Variants in DRC8 observed in about 807,000 individuals in gnomAD.
DRC8 encodes dynein regulatory complex subunit 8, also known as dynein regulatory complex protein 8.
chr1:245,019,243 G>A, the DRC8 span, among the ~76,000 whole-genome samples: 12 of 152,074 alleles, frequency 7.9e-5, no homozygotes, highest in Admixed American at 2.6e-4. Context: ...ATTGTTTTTA[G>A]CATTAAAATA....
At chr1:245,020,921 C>T in the DRC8 span, among the ~76,000 whole-genome samples, 4 of 152,060 alleles carry the variant, frequency 2.6e-5, no homozygotes, top group East Asian at 1.9e-4. Context: ...TGAGCCACCA[C>T]ACCCAGCCTT....
the DRC8 span, chr1:244,970,746 C>T: frequency 1.5e-5 from 7 of 454,972 alleles, no homozygotes; most frequent in Middle Eastern, 5.6e-4. Flanking sequence ...TCCTCCCGCC[C>T]TCTTCACCCT....
the DRC8 span, chr1:245,023,029 A>G: frequency 6.6e-6 from 1 of 152,220 alleles, no homozygotes; most frequent in Non-Finnish European, 1.5e-5. Flanking sequence ...TTGCTTGGGC[A>G]GCACATATAC....
At chr1:245,011,226 A>G in the DRC8 span, among the ~76,000 whole-genome samples, 3 of 152,192 alleles carry the variant, frequency 2.0e-5, no homozygotes, top group Non-Finnish European at 4.4e-5. Flanking sequence ...GAAAGCAAAA[A>G]TATCACTATG....
At chr1:245,067,570 C>T in the DRC8 span, among the ~76,000 whole-genome samples, 45 of 152,152 alleles carry the variant, frequency 3.0e-4, no homozygotes, top group Non-Finnish European at 5.3e-4. Flanking sequence ...CCACAAGCCC[C>T]GGAGGTCCCA....
chr1:245,096,314 C>T, the DRC8 span, among the ~76,000 whole-genome samples: 20 of 152,346 alleles, frequency 1.3e-4, no homozygotes, highest in Non-Finnish European at 1.3e-4. Context: ...GGAAATAAGC[C>T]TGCAAAAGAA....
the DRC8 span, among the ~76,000 whole-genome samples, chr1:245,013,223 C>T: frequency 1.3e-5 from 2 of 152,054 alleles, no homozygotes; most frequent in Admixed American, 6.6e-5. Flanking sequence ...TGCCAGACCT[C>T]GAGAAAAAGG....
the DRC8 span, among the ~76,000 whole-genome samples, chr1:245,092,083 G>T: frequency 6.6e-6 from 1 of 152,208 alleles, no homozygotes; most frequent in Non-Finnish European, 1.5e-5. Flanking sequence ...GCGATCTTGT[G>T]CTCTGATCCC....
chr1:245,072,696 G>A, the DRC8 span, among the ~76,000 whole-genome samples: 10 of 152,292 alleles, frequency 6.6e-5, no homozygotes, highest in South Asian at 1.5e-3. Flanking sequence ...TGTAATCCTC[G>A]GTGTCAGAGA....
At chr1:245,020,072 A>T in the DRC8 span, among the ~76,000 whole-genome samples, 1 of 151,982 alleles carries the variant, frequency 6.6e-6, no homozygotes, top group Non-Finnish European at 1.5e-5. Flanking sequence ...GCCCCCAGGC[A>T]CTGGCTGTTC....
At chr1:245,090,444 G>C in the DRC8 span, among the ~76,000 whole-genome samples, 1 of 150,154 alleles carries the variant, frequency 6.7e-6, no homozygotes, top group African/African-American at 2.5e-5. Flanking sequence ...AGTGGCTGAC[G>C]TTTGTTGACT....
chr1:245,006,507 G>A, the DRC8 span, among the ~76,000 whole-genome samples: 3 of 152,028 alleles, frequency 2.0e-5, no homozygotes, highest in Non-Finnish European at 4.4e-5. Flanking sequence ...GTTTTATCAT[G>A]TTGGCCAGGC....
the DRC8 span, among the ~76,000 whole-genome samples, chr1:245,093,313 G>C: frequency 6.6e-6 from 1 of 152,068 alleles, no homozygotes; most frequent in Non-Finnish European, 1.5e-5. Context: ...TGTGCTATCA[G>C]TCATGGTACT....
the DRC8 span, among the ~76,000 whole-genome samples, chr1:245,017,013 G>A: frequency 2.6e-5 from 4 of 152,186 alleles, no homozygotes; most frequent in African/African-American, 9.7e-5. Context: ...GTGTATTTAA[G>A]ATCAGTGCAC....
At chr1:245,087,762 T>C in the DRC8 span, 6 of 983,476 alleles carry the variant, frequency 6.1e-6, no homozygotes, top group South Asian at 4.7e-5. Flanking sequence ...TAATGAAGGC[T>C]TCTTTTTTAA....
chr1:244,980,382 A>C, the DRC8 span, among the ~76,000 whole-genome samples: 7 of 152,282 alleles, frequency 4.6e-5, no homozygotes, highest in African/African-American at 1.7e-4. Flanking sequence ...AAAAATAAAA[A>C]ATAAAGTTTT....
At chr1:245,121,894 T>G in the DRC8 span, 1 of 418,258 alleles carries the variant, frequency 2.4e-6, no homozygotes, top group Non-Finnish European at 4.6e-6. Flanking sequence ...TTTTCTTTTT[T>G]CTTATTTTAT....
chr1:245,034,008 A>G, the DRC8 span, among the ~76,000 whole-genome samples: 1 of 152,120 alleles, frequency 6.6e-6, no homozygotes, highest in Non-Finnish European at 1.5e-5. Flanking sequence ...GGCATGAGCC[A>G]CCACAGCCGG....
chr1:245,071,837 C>A, the DRC8 span, among the ~76,000 whole-genome samples: 10 of 152,272 alleles, frequency 6.6e-5, no homozygotes, highest in East Asian at 1.7e-3. Flanking sequence ...AATGGTTCAA[C>A]AAATCTTGGT....
Sources: allele counts gnomAD v4.1 joint callset (sites outside exome capture counted in the v4.1 genomes callset), GRCh38; gene constraint gnomAD v4.1.1; transcripts MANE v1.5; gene names NCBI Gene and HGNC (gene_info 2026-07-23, HGNC 2026-07-21).